Variants in SPATA6L observed in about 807,000 individuals in gnomAD.
SPATA6L encodes spermatogenesis associated 6-like protein.
In SPATA6L, 68 loss-of-function variants were observed where a neutral mutation model predicts 49.2. The ratio of observed to expected loss-of-function variants is 1.38; its 90% confidence interval spans 1.14 to 1.69. The LOEUF (loss-of-function observed/expected upper bound fraction) is 1.69. SPATA6L is among the 40% of genes most tolerant of loss of function. SPATA6L has a pLI of 0.00. For synonymous variants in SPATA6L, 198 were observed against 165.7 expected, an observed-to-expected ratio of 1.19 and a Z score of -1.50; for missense variants, 668 against 464.3, an observed-to-expected ratio of 1.44 and a Z score of -4.03.
intron 2 of SPATA6L, among the ~76,000 whole-genome samples, chr9:4,661,098 C>A (rs1007973850): frequency 7.9e-5 from 12 of 152,122 alleles, no homozygotes; most frequent in African/African-American, 2.9e-4. Flanking sequence ...ATATAACAAA[C>A]CAGCACGTTG....
chr9:4,647,582 C>T (rs866825847), intron 3 of SPATA6L, among the ~76,000 whole-genome samples: 2 of 152,048 alleles, frequency 1.3e-5, no homozygotes, highest in South Asian at 2.1e-4. Flanking sequence ...TGGAGTGAGA[C>T]TCCATCTTAA....
Position 4,662,223 on chromosome 9 carries a change from C to T in SPATA6L, c.40-187G>A. 7.0e-7 allele frequency: 1 copy of T among 1,434,692 alleles called. No individual in the cohort carries two copies. Among genetic ancestry groups the T allele is most frequent in the Non-Finnish European group, 9.1e-7 (1 of 1,099,318 alleles). 88.9% of individuals were successfully genotyped at this position (1,434,692 alleles called of 1,614,324 possible). ...TCTCCTCACATTGGAAATTCCAACT[C>T]CCTCCCACGTCTCCACCAGGTGTCA... On this transcript the variant is annotated intron_variant, in intron 1 of 11. Coordinates refer to ENST00000682582, the MANE Select transcript of SPATA6L (RefSeq NM_001353486.2). This position sits in a 1 kb window ranked among gnomAD's most constrained non-coding sequence, Gnocchi z 4.9.
chr9:4,619,159 T>C (rs1238775242), intron 7 of SPATA6L, among the ~76,000 whole-genome samples: 1 of 145,804 alleles, frequency 6.9e-6, no homozygotes, highest in Non-Finnish European at 1.5e-5. Flanking sequence ...TTTTCTCTTT[T>C]TTTTTTTTTT....
At chr9:4,656,450 AAGGAAGGAAGGAAGGAAGGAAGGAAGG>A (rs1838224042) in intron 2 of SPATA6L, among the ~76,000 whole-genome samples, 25 of 121,850 alleles carry the variant, frequency 2.1e-4, no homozygotes, top group African/African-American at 7.7e-4. Context: ...GAAAGGAAGG[AAGGAAGGAAGGAAGGAAGGAAGGAAGG>A]AAGGAAGGAA....
intron 13 of SPATA6L, among the ~76,000 whole-genome samples, chr9:4,590,682 G>A (rs1446575472): frequency 6.6e-6 from 1 of 152,130 alleles, no homozygotes; most frequent in Non-Finnish European, 1.5e-5. Flanking sequence ...GGGAAGCTCT[G>A]GCCCCGCGGG....
At chr9:4,592,304 G>C (rs1163879466) in intron 13 of SPATA6L, among the ~76,000 whole-genome samples, 1 of 116,932 alleles carries the variant, frequency 8.6e-6, no homozygotes, top group East Asian at 2.2e-4. Context: ...GACAGAGGGA[G>C]ACTCCATCTC....
rs568837140 is a variant in SPATA6L at position 4,618,784 on chromosome 9, C to A, written c.807+80G>T. ...TAAGCAGACTAACTAGAAATATCCACCACTGATTGGAAAAAGCACAATAAT... is the reference window on the plus strand; with the variant it reads ...TAAGCAGACTAACTAGAAATATCCAACACTGATTGGAAAAAGCACAATAAT... On this transcript the variant is annotated intron_variant, in intron 8 of 11. Transcript: ENST00000682582. 5.4e-6 allele frequency: 7 copies of A among 1,305,502 alleles called. No individual in the cohort carries two copies. The African/African-American group carries it at 8.9e-5, about 17-fold the overall frequency. The allele number at this position is 1,305,502 out of a possible 1,614,324, so 80.9% of individuals were successfully genotyped here. A position where few individuals can be genotyped will look rare whatever the true frequency, so the allele number is the denominator to read the frequency against.
At chr9:4,644,658 T>TTCTC (rs375004235) in intron 3 of SPATA6L, among the ~76,000 whole-genome samples, 196 of 143,040 alleles carry the variant, frequency 1.4e-3, no homozygotes, top group African/African-American at 3.9e-3. Context: ...GTTTTCAGTA[T>TTCTC]TCTCTCTCTC....
At chr9:4,614,996 G>T (rs1827622847) in intron 9 of SPATA6L, among the ~76,000 whole-genome samples, 1 of 152,130 alleles carries the variant, frequency 6.6e-6, no homozygotes, top group Non-Finnish European at 1.5e-5. Flanking sequence ...AGCCAACAAA[G>T]GTCCCCCTCA....
At chr9:4,624,914 C>G (rs1201883917) in intron 6 of SPATA6L, among the ~76,000 whole-genome samples, 1 of 152,112 alleles carries the variant, frequency 6.6e-6, no homozygotes, top group Admixed American at 6.6e-5. Flanking sequence ...GCACCAATCT[C>G]ATTAATAAAA....
At chr9:4,634,544 T>G (rs906455648) in intron 4 of SPATA6L, among the ~76,000 whole-genome samples, 1 of 152,148 alleles carries the variant, frequency 6.6e-6, no homozygotes, top group African/African-American at 2.4e-5. Flanking sequence ...CTCAACAAAG[T>G]AGAAACAATA....
downstream of SPATA6L, among the ~76,000 whole-genome samples, chr9:4,597,692 C>T (rs1344575304): frequency 6.6e-6 from 1 of 152,218 alleles, no homozygotes; most frequent in Non-Finnish European, 1.5e-5. Flanking sequence ...TTGGGGCTCT[C>T]ATCACTGTTG....
intron 9 of SPATA6L, chr9:4,617,313 C>G (rs947732327): frequency 3.9e-5 from 6 of 152,150 alleles, no homozygotes; most frequent in Non-Finnish European, 7.3e-5. Context: ...AACCAACTGT[C>G]CTGGTTTGCC....
intron 3 of SPATA6L, among the ~76,000 whole-genome samples, chr9:4,637,403 C>A (rs909871702): frequency 2.0e-5 from 3 of 152,162 alleles, no homozygotes; most frequent in Non-Finnish European, 2.9e-5. Flanking sequence ...TTACTTTCAA[C>A]GTAAGATTTA....
chr9:4,661,378 G>T (rs1281475837), intron 2 of SPATA6L, among the ~76,000 whole-genome samples: 2 of 152,170 alleles, frequency 1.3e-5, no homozygotes, highest in African/African-American at 4.8e-5. Context: ...ATATCACCAT[G>T]TTATTCACCA....
chr9:4,647,002 A>G (rs1730193273), intron 3 of SPATA6L, among the ~76,000 whole-genome samples: 1 of 152,116 alleles, frequency 6.6e-6, no homozygotes, highest in South Asian at 2.1e-4. Context: ...AATCTGTACA[A>G]CAAATCCCCA....
chr9:4,635,678 T>A (rs1452852563), intron 3 of SPATA6L, among the ~76,000 whole-genome samples: 1 of 152,228 alleles, frequency 6.6e-6, no homozygotes, highest in Non-Finnish European at 1.5e-5. Flanking sequence ...ATCCATCCAA[T>A]TTTTCCTGCA....
chr9:4,591,899 C>G (rs1044328074), intron 13 of SPATA6L, among the ~76,000 whole-genome samples: 2 of 152,196 alleles, frequency 1.3e-5, no homozygotes, highest in African/African-American at 2.4e-5. Flanking sequence ...AGATGACACT[C>G]TAAGGCAAAT....
At chr9:4,635,201 C>A (rs1587279025) in intron 4 of SPATA6L, 74 bp downstream of exon 4, 4 of 1,423,440 alleles carry the variant, frequency 2.8e-6, no homozygotes, top group Non-Finnish European at 3.7e-6. Context: ...AGATCAAACC[C>A]TGTCAGGAAT....
Sources: allele counts gnomAD v4.1 joint callset (sites outside exome capture counted in the v4.1 genomes callset), GRCh38; gene constraint gnomAD v4.1.1; non-coding constraint Gnocchi (gnomAD v3.1); transcripts MANE v1.5; gene names NCBI Gene and HGNC (gene_info 2026-07-23, HGNC 2026-07-21).